The following OGDH variants were observed in gnomAD, a reference collection of about 807,000 sequenced individuals.
OGDH encodes 2-oxoglutarate dehydrogenase complex component E1.
In OGDH, 38 loss-of-function variants were observed where a neutral mutation model predicts 116.6. The ratio of observed to expected loss-of-function variants is 0.33; its 90% CI spans 0.25 to 0.43. The LOEUF is 0.43. Ranked by LOEUF, OGDH falls within the 20% of genes least tolerant of loss-of-function variation. The pLI is 1.00. For missense variants in OGDH, 825 were observed against 1,357.2 expected, an observed-to-expected ratio of 0.61 and a Z score of 6.16; for synonymous variants, 488 against 533.3, an observed-to-expected ratio of 0.92 and a Z score of 1.17.
rs532758582 is a variant in OGDH, at chr7:44,695,296, G to A, written c.1668+720G>A. On this transcript the variant is annotated intron_variant, in intron 12 of 22. Transcript: ENST00000222673. ...TTTTTAGTAGAAACAGGGTTTCCCC[G>A]TGTTGGCCAGGCTGGTCTTGAACTC... Among the ~76,000 whole-genome samples the A allele has an allele frequency of 7.9e-5, 12 of 152,066 alleles. No individual in the cohort carries two copies. In the East Asian group the frequency reaches 1.6e-3, roughly 20 times the overall value.
intron 4 of OGDH, among the ~76,000 whole-genome samples, chr7:44,654,130 T>C (rs1286739738): frequency 2.0e-5 from 3 of 152,198 alleles, no homozygotes; most frequent in African/African-American, 4.8e-5. Context: ...GCTGGGATTA[T>C]AGGCATGAGC....
rs113587743 is a variant in OGDH, at chr7:44,624,350, C to A, written c.7C>A (p.His3Asn). The change falls in exon 2 of 23, where the codon CAT becomes AAT. Residue 3 changes from histidine (H) to asparagine (N), a missense_variant. Transcript: ENST00000222673. MF[H>N]LRTCAAKLRP... ...GAAAAACTTCAGGACAAAAATGTTT[C>A]ATTTAAGGACTTGTGCTGCTAAGTT... 1.8e-6 allele frequency: 2 copies of A among 1,130,854 alleles called. No homozygotes were observed. The highest frequency in any genetic ancestry group is 2.3e-6 in the Non-Finnish European group (2 of 881,970). 70.1% of individuals were successfully genotyped at this position (1,130,854 alleles called of 1,614,324 possible).
At chr7:44,664,370 G>A (rs191160883) in intron 4 of OGDH, among the ~76,000 whole-genome samples, 2 of 152,258 alleles carry the variant, frequency 1.3e-5, no homozygotes, top group Admixed American at 1.3e-4. Flanking sequence ...TGGGTGCTAG[G>A]GCCCATTACA....
intron 1 of OGDH, among the ~76,000 whole-genome samples, chr7:44,612,335 T>C (rs751705832): frequency 6.6e-6 from 1 of 152,200 alleles, no homozygotes; most frequent in Non-Finnish European, 1.5e-5. Context: ...TAGATTGATT[T>C]CTCTCACTTC....
chr7:44,624,173 GTTTTGTTTTTGT>G (rs1333416583), intron 1 of OGDH, 132 bp from the exon 2 acceptor site: 1 of 622,872 alleles, frequency 1.6e-6, no homozygotes, highest in East Asian at 2.7e-5. Context: ...AGTTGAACAT[GTTTTGTTTTTGT>G]TTTTGTTTTT....
rs1159869297 is a variant in OGDH, at chr7:44,641,282, A to G, written c.223-4045A>G. On this transcript the variant is annotated intron_variant, in intron 2 of 22. Coordinates refer to ENST00000222673, the MANE Select transcript of OGDH (RefSeq NM_002541.4). ...ACTCTGTCGCCCAGGCTGGAATACA[A>G]TGGTGCGATCTCAGCTCACTGCAAC... 2.9e-5 allele frequency among the ~76,000 whole-genome samples: 4 copies of G among 139,510 alleles called. No homozygotes were observed. In the South Asian group the frequency reaches 6.7e-4, roughly 23 times the overall value. 91.5% of individuals were successfully genotyped at this position (139,510 alleles called of 152,430 possible). A position where few individuals can be genotyped will look rare whatever the true frequency, so the allele number is the denominator to read the frequency against.
intron 2 of OGDH, among the ~76,000 whole-genome samples, chr7:44,643,264 C>T (rs768031013): frequency 5.9e-5 from 9 of 152,140 alleles, no homozygotes; most frequent in African/African-American, 2.2e-4. Flanking sequence ...GCACATGCTA[C>T]TACACCCAGC....
intron 9 of OGDH, chr7:44,676,568 TAAATA>T (rs1787705238): frequency 4.3e-6 from 1 of 234,840 alleles, no homozygotes; most frequent in African/African-American, 2.4e-5. Context: ...AAGAAAAAAA[TAAATA>T]AATAAAAAAT....
chr7:44,675,898 C>G, intron 8 of OGDH, 72 bp from the exon 9 acceptor site: 1 of 1,505,556 alleles, frequency 6.6e-7, no homozygotes, highest in Non-Finnish European at 9.0e-7. Flanking sequence ...AAAAAATTCC[C>G]GTATAAAAGG....
intron 4 of OGDH, among the ~76,000 whole-genome samples, chr7:44,649,993 C>T (rs1310207569): frequency 6.6e-6 from 1 of 152,140 alleles, no homozygotes; most frequent in East Asian, 1.9e-4. Context: ...CCTAAAGCTT[C>T]CTGAAATCCT....
At chr7:44,650,220 G>A (rs370035095) in intron 4 of OGDH, among the ~76,000 whole-genome samples, 2 of 152,150 alleles carry the variant, frequency 1.3e-5, no homozygotes, top group South Asian at 2.1e-4. Flanking sequence ...AATTGGTCTC[G>A]AACTCTCACC....
chr7:44,707,743 C>T lies in OGDH; in HGVS notation c.2951+7C>T. The T allele has an allele frequency of 6.2e-7, 1 of 1,614,132 alleles. No individual in the cohort carries two copies. The highest frequency in any genetic ancestry group is 8.5e-7 in the Non-Finnish European group (1 of 1,180,008). ...GCCGCGCCAAGCCCGTCTGGTAAGG[C>T]TTCAGTCCCTGCCAGGAAGGCTGTG... On this transcript the variant is annotated splice_region_variant and intron_variant, in intron 22 of 22. Transcript: ENST00000222673. This position sits in a 1 kb window ranked among gnomAD's most constrained non-coding sequence, Gnocchi z 5.2.
rs746414123 is a variant in OGDH, at chr7:44,701,514, C to G, written c.2560-29C>G. 5 of 1,602,110 alleles carry G rather than the reference C, an allele frequency of 3.1e-6. No individual in the cohort carries two copies. In the South Asian group the frequency reaches 5.5e-5, roughly 18 times the overall value. ...CTTCTGGAATCTTCAGAATCTGATC[C>G]TTCACGAGCCTATTGTTCTGTATTT... On this transcript the variant is annotated intron_variant, in intron 19 of 22. Coordinates refer to ENST00000222673, the MANE Select transcript of OGDH (RefSeq NM_002541.4).
chr7:44,664,261 G>A (rs915174183), intron 4 of OGDH, among the ~76,000 whole-genome samples: 13 of 152,088 alleles, frequency 8.5e-5, no homozygotes, highest in African/African-American at 3.1e-4. Context: ...AGTATCCACC[G>A]TTACTGGGAT....
chr7:44,616,243 C>CT (rs2117241705), intron 1 of OGDH, among the ~76,000 whole-genome samples: 1 of 152,274 alleles, frequency 6.6e-6, no homozygotes, highest in Admixed American at 6.5e-5. Flanking sequence ...AATTTACACT[C>CT]TATCAATACC....
chr7:44,703,724 T>A (rs936653006), intron 20 of OGDH, among the ~76,000 whole-genome samples: 16 of 146,402 alleles, frequency 1.1e-4, no homozygotes, highest in Admixed American at 4.1e-4. Context: ...TCAAAAAAAA[T>A]AAATAAATAA....
chr7:44,616,843 ACG>A (rs560335619), intron 1 of OGDH, among the ~76,000 whole-genome samples: 1,661 of 130,730 alleles, frequency 0.013, 47 homozygotes, highest in African/African-American at 0.042. Flanking sequence ...ATACACATAT[ACG>A]TGTATATATA....
At chr7:44,706,540 C>T (rs1789079684) in intron 20 of OGDH, among the ~76,000 whole-genome samples, 1 of 151,534 alleles carries the variant, frequency 6.6e-6, no homozygotes. Context: ...AGTCTGGTCT[C>T]GAACTCCTGA....
intron 4 of OGDH, among the ~76,000 whole-genome samples, chr7:44,648,529 A>G (rs1786292930): frequency 6.6e-6 from 1 of 152,202 alleles, no homozygotes. Flanking sequence ...TTAAATGGCC[A>G]GGGTGTTCAC....
Sources: allele counts gnomAD v4.1 joint callset (sites outside exome capture counted in the v4.1 genomes callset), GRCh38; gene constraint gnomAD v4.1.1; non-coding constraint Gnocchi (gnomAD v3.1); transcripts MANE v1.5; gene names NCBI Gene and HGNC (gene_info 2026-07-23, HGNC 2026-07-21).